Variants in TACR1 observed in about 807,000 individuals in gnomAD.
TACR1 encodes tachykinin receptor 1, also known as substance-P receptor.
TACR1 carries 25 observed loss-of-function variants against 35.8 expected under a neutral mutation model. The ratio of observed to expected loss-of-function variants is 0.70; its 90% confidence interval spans 0.51 to 0.98. The LOEUF (loss-of-function observed/expected upper bound fraction) is 0.98. TACR1 is among the 50% of genes least tolerant of loss of function. The pLI is 0.00. For synonymous variants in TACR1, 195 were observed against 206.7 expected (o/e 0.94, Z 0.48); for missense variants, 478 against 522.9 (o/e 0.91, Z 0.84).
chr2:75,054,493 A>G (rs973601940), intron 2 of TACR1, among the ~76,000 whole-genome samples: 3 of 152,196 alleles, frequency 2.0e-5, no homozygotes, highest in African/African-American at 7.2e-5. Context: ...ACAGGTGCCA[A>G]CTGACTCACG....
At chr2:75,158,039 G>T (rs1489593260) in intron 1 of TACR1, among the ~76,000 whole-genome samples, 2 of 152,198 alleles carry the variant, frequency 1.3e-5, no homozygotes, top group Admixed American at 1.3e-4. Flanking sequence ...CTTATTTTAA[G>T]ACTGAGAAAT....
At chr2:75,181,368 G>A (rs1292765810) in intron 1 of TACR1, among the ~76,000 whole-genome samples, 1 of 151,848 alleles carries the variant, frequency 6.6e-6, no homozygotes, top group Non-Finnish European at 1.5e-5. Context: ...TATAATCTGA[G>A]CAGGTTCATT....
At chr2:75,134,830 T>C (rs737679) in intron 1 of TACR1, among the ~76,000 whole-genome samples, 63,551 of 152,102 alleles carry the variant, frequency 0.42, 14,240 homozygotes, top group Non-Finnish European at 0.5. Flanking sequence ...GATCCCTTTC[T>C]TCTTTCTATT....
In TACR1 at chr2:75,120,906, C is replaced by T. The variant is rs1332661612; in HGVS notation, c.390-138G>A. 9 of 751,518 alleles carry T rather than the reference C, an allele frequency of 1.2e-5. No individual in the cohort carries two copies. In the South Asian group the frequency reaches 2.0e-4, roughly 17 times the overall value. The allele number at this position is 751,518 out of a possible 1,614,324, so 46.6% of individuals were successfully genotyped here. ...GATTTGTACAATTATTTTCCAATTC[C>T]TTTTCCATATTCTACCCTTAAGCTT... On this transcript the variant is annotated intron_variant, in intron 1 of 4. Coordinates refer to ENST00000305249, the MANE Select transcript of TACR1 (RefSeq NM_001058.4).
At chr2:75,139,091 CATATT>C (rs1290565926) in intron 1 of TACR1, among the ~76,000 whole-genome samples, 3 of 152,108 alleles carry the variant, frequency 2.0e-5, no homozygotes, top group African/African-American at 7.2e-5. Flanking sequence ...AAATAGTTAA[CATATT>C]AATTAAGGCT....
chr2:75,110,652 GTAT>G (rs944769854), intron 2 of TACR1, among the ~76,000 whole-genome samples: 1 of 151,514 alleles, frequency 6.6e-6, no homozygotes, highest in Non-Finnish European at 1.5e-5. Flanking sequence ...TATATGATCG[GTAT>G]TATTAATATT....
chr2:75,138,792 T>TACTA (rs10642722), intron 1 of TACR1, among the ~76,000 whole-genome samples: 99,880 of 151,384 alleles, frequency 0.66, 33,701 homozygotes, highest in African/African-American at 0.75. Context: ...TTCATTCAAA[T>TACTA]ACTGAGTACC....
intron 2 of TACR1, among the ~76,000 whole-genome samples, chr2:75,075,876 T>A (rs1672965802): frequency 6.6e-6 from 1 of 152,248 alleles, no homozygotes; most frequent in South Asian, 2.1e-4. Flanking sequence ...ATAATCTTAA[T>A]GTCCAACATT....
intron 1 of TACR1, among the ~76,000 whole-genome samples, chr2:75,159,792 G>T (rs1299071630): frequency 6.6e-6 from 1 of 152,138 alleles, no homozygotes; most frequent in Non-Finnish European, 1.5e-5. Flanking sequence ...GAGGGTCTGG[G>T]TGGCAGTTAA....
chr2:75,134,278 C>T (rs1674236248), intron 1 of TACR1, among the ~76,000 whole-genome samples: 2 of 152,310 alleles, frequency 1.3e-5, no homozygotes, highest in South Asian at 4.1e-4. Flanking sequence ...CTCTTGGGGC[C>T]TGGATCGGGA....
chr2:75,197,897 C>T (rs1353765218), intron 1 of TACR1, among the ~76,000 whole-genome samples: 1 of 152,158 alleles, frequency 6.6e-6, no homozygotes, highest in Non-Finnish European at 1.5e-5. Context: ...AATGAGAATT[C>T]CTAGCATTAC....
chr2:75,103,895 CAT>C (rs1206733281), intron 2 of TACR1, among the ~76,000 whole-genome samples: 1 of 151,838 alleles, frequency 6.6e-6, no homozygotes, highest in Non-Finnish European at 1.5e-5. Context: ...AAAGCAGAAA[CAT>C]AAAGTAGATA....
At chr2:75,174,613 T>C (rs772454934) in intron 1 of TACR1, among the ~76,000 whole-genome samples, 2 of 152,194 alleles carry the variant, frequency 1.3e-5, no homozygotes, top group African/African-American at 2.4e-5. Flanking sequence ...ACTGCAGAAA[T>C]GGAAACCGTG....
chr2:75,080,148 G>A (rs1673056019), intron 2 of TACR1, among the ~76,000 whole-genome samples: 1 of 152,136 alleles, frequency 6.6e-6, no homozygotes. Flanking sequence ...AATGCAACTA[G>A]AACTTTCTAA....
intron 2 of TACR1, among the ~76,000 whole-genome samples, chr2:75,116,522 A>G (rs1462058222): frequency 6.6e-6 from 1 of 152,188 alleles, no homozygotes; most frequent in Admixed American, 6.5e-5. Context: ...CATTGAGTGT[A>G]TATGTGAATG....
At chr2:75,158,395 T>C (rs577543726) in intron 1 of TACR1, among the ~76,000 whole-genome samples, 20 of 152,246 alleles carry the variant, frequency 1.3e-4, no homozygotes, top group African/African-American at 4.3e-4. Context: ...ATAAGAGGGA[T>C]TATTATAAAA....
intron 2 of TACR1, among the ~76,000 whole-genome samples, chr2:75,062,296 A>C (rs1672687012): frequency 6.7e-6 from 1 of 150,048 alleles, no homozygotes; most frequent in Non-Finnish European, 1.5e-5. Flanking sequence ...CATTGAAAAA[A>C]ACTTCAAAGG....
In TACR1 at chr2:75,176,139, A is replaced by T. The variant is rs528497875; in HGVS notation, c.389+22407T>A. Among the ~76,000 whole-genome samples the T allele has an allele frequency of 4.0e-5, 6 of 151,874 alleles. No individual in the cohort carries two copies. The East Asian group carries it at 1.2e-3, about 29-fold the overall frequency. On this transcript the variant is annotated intron_variant, in intron 1 of 4. Coordinates refer to ENST00000305249, the MANE Select transcript of TACR1 (RefSeq NM_001058.4). ...CCTAGCAGATTCATCCTCTATCCTA[A>T]TGTTGTGTGTCTGATGTTCAATTTC...
chr2:75,154,095 C>T (rs1418949521), intron 1 of TACR1, among the ~76,000 whole-genome samples: 1 of 152,096 alleles, frequency 6.6e-6, no homozygotes, highest in Admixed American at 6.5e-5. Flanking sequence ...AACTAAAGTT[C>T]ACTTGGATGC....
Sources: allele counts gnomAD v4.1 joint callset (sites outside exome capture counted in the v4.1 genomes callset), GRCh38; gene constraint gnomAD v4.1.1; transcripts MANE v1.5; gene names NCBI Gene and HGNC (gene_info 2026-07-23, HGNC 2026-07-21).